Variants in BCAS3 observed in about 807,000 individuals in gnomAD.
BCAS3 encodes BCAS4/BCAS3 fusion.
Under a neutral mutation model 116.1 loss-of-function variants are expected in BCAS3, and 53 were observed. That is an observed-to-expected ratio of 0.46 (90% CI 0.37 to 0.57). The LOEUF (loss-of-function observed/expected upper bound fraction) is 0.57. Among genes scored for constraint, BCAS3 ranks in the 20% least tolerant of loss-of-function variants. The pLI, the probability that BCAS3 is intolerant of heterozygous loss-of-function variation, is 0.00. For missense variants in BCAS3, 917 were observed against 1,165.4 expected, an observed-to-expected ratio of 0.79 and a Z score of 3.10; for synonymous variants, 391 against 408.2, an observed-to-expected ratio of 0.96 and a Z score of 0.51.
rs562796127 is a variant in BCAS3, at chr17:61,380,695, T to C, written c.2594-11282T>C. ...AGGAGCACTCTAGGGAGGGCAGGGG[T>C]CAGCTCAGATGGGAGGTCTCTTCTG... On this transcript the variant is annotated intron_variant, in intron 23 of 23. Transcript: ENST00000407086. This position sits in a 1 kb window ranked among gnomAD's most constrained non-coding sequence, Gnocchi z 4.2. 46 of 817,750 alleles carry C rather than the reference T, an allele frequency of 5.6e-5. No homozygotes were observed. In the South Asian group the frequency reaches 6.6e-4, roughly 12 times the overall value. 50.7% of individuals were successfully genotyped at this position (817,750 alleles called of 1,614,324 possible).
intron 14 of BCAS3, among the ~76,000 whole-genome samples, chr17:60,979,446 C>G (rs548171685): frequency 6.7e-6 from 1 of 149,684 alleles, no homozygotes; most frequent in African/African-American, 2.6e-5. Flanking sequence ...ATGTCGTCTG[C>G]AAACAGGGAC....
At chr17:61,117,283 A>G (rs2075528513) in intron 22 of BCAS3, among the ~76,000 whole-genome samples, 1 of 151,954 alleles carries the variant, frequency 6.6e-6, no homozygotes, top group Non-Finnish European at 1.5e-5. Context: ...TAGTTATTGT[A>G]TTTTTCAGTT....
At chr17:60,787,039 A>G (rs1300909306) in intron 6 of BCAS3, among the ~76,000 whole-genome samples, 1 of 152,218 alleles carries the variant, frequency 6.6e-6, no homozygotes, top group East Asian at 1.9e-4. Flanking sequence ...GATAAAAAGG[A>G]ACAAAAGCTC....
At position 61,376,270 on chromosome 17, in the gene BCAS3, C is replaced by T. The variant is rs1244089628; in HGVS notation, c.2593+7776C>T. On this transcript the variant is annotated intron_variant, in intron 23 of 23. Coordinates refer to ENST00000407086, the MANE Select transcript of BCAS3 (RefSeq NM_017679.5). This position sits in a 1 kb window ranked among gnomAD's most constrained non-coding sequence, Gnocchi z 4.5. Reference sequence around the variant, plus strand: ...TCCTTTATGGGTCCTGGGTTAGCCACACTGTTCCTGTCCTAAGCAAACCCG... The same window carrying T: ...TCCTTTATGGGTCCTGGGTTAGCCATACTGTTCCTGTCCTAAGCAAACCCG... 6.6e-6 allele frequency among the ~76,000 whole-genome samples: 1 copy of T among 152,184 alleles called. No homozygotes were observed. Among genetic ancestry groups the T allele is most frequent in the African/African-American group, 2.4e-5 (1 of 41,446 alleles).
At chr17:60,679,137 A>G (rs2032546336) in intron 1 of BCAS3, among the ~76,000 whole-genome samples, 1 of 152,232 alleles carries the variant, frequency 6.6e-6, no homozygotes, top group Admixed American at 6.5e-5. Flanking sequence ...AGGCAGGAGA[A>G]TTGCTTGAGC....
At chr17:61,298,434 T>TA (rs1195587600) in intron 22 of BCAS3, among the ~76,000 whole-genome samples, 1 of 152,040 alleles carries the variant, frequency 6.6e-6, no homozygotes, top group Non-Finnish European at 1.5e-5. Context: ...GATCTTAAAA[T>TA]AAAAAAGGAA....
chr17:60,725,311 A>G (rs1215568068), intron 5 of BCAS3, among the ~76,000 whole-genome samples: 2 of 152,176 alleles, frequency 1.3e-5, no homozygotes, highest in African/African-American at 4.8e-5. Flanking sequence ...GAAAGTCCCA[A>G]AATAAACTTC....
At position 61,086,684 on chromosome 17, in the gene BCAS3, T is replaced by G. The variant is rs937913653; in HGVS notation, c.2425+2120T>G. 4.1e-6 allele frequency: 4 copies of G among 985,292 alleles called. No homozygotes were observed. In the African/African-American group the frequency reaches 7.0e-5, roughly 17 times the overall value. The allele number at this position is 985,292 out of a possible 1,614,324, so 61.0% of individuals were successfully genotyped here. A position where few individuals can be genotyped will look rare whatever the true frequency, so the allele number is the denominator to read the frequency against. ...AGAACTTCTTGGTGGCTAAGCTTTA[T>G]TATTATTTTTCTAGGCCTGTTTTCA... On this transcript the variant is annotated intron_variant, in intron 22 of 23. Coordinates refer to ENST00000407086, the MANE Select transcript of BCAS3 (RefSeq NM_017679.5).
chr17:61,277,799 C>T (rs1568735529), intron 22 of BCAS3, among the ~76,000 whole-genome samples: 1 of 152,162 alleles, frequency 6.6e-6, no homozygotes, highest in East Asian at 1.9e-4. Context: ...GCAGATACTA[C>T]TTGGCACCCA....
At chr17:61,191,150 C>G (rs1335489527) in intron 22 of BCAS3, among the ~76,000 whole-genome samples, 2 of 152,094 alleles carry the variant, frequency 1.3e-5, no homozygotes, top group African/African-American at 4.8e-5. Context: ...AAAAATTACA[C>G]ATCTACTCAG....
intron 7 of BCAS3, among the ~76,000 whole-genome samples, chr17:60,837,839 G>T (rs1414157234): frequency 1.3e-5 from 2 of 151,708 alleles, no homozygotes; most frequent in Non-Finnish European, 2.9e-5. Context: ...TTTAGTAGAG[G>T]AGGGGTTTCA....
intron 7 of BCAS3, among the ~76,000 whole-genome samples, chr17:60,845,797 TTCTC>T (rs1210163979): frequency 2.1e-4 from 31 of 149,310 alleles, no homozygotes; most frequent in Admixed American, 1.1e-3. Flanking sequence ...TTTTTTTTTT[TTCTC>T]TCTCTCTCTC....
chr17:61,003,640 A>C (rs1392281273), intron 15 of BCAS3, among the ~76,000 whole-genome samples: 1 of 151,994 alleles, frequency 6.6e-6, no homozygotes, highest in African/African-American at 2.4e-5. Context: ...CTTAAGCTAG[A>C]TAGATTTGAA....
chr17:61,162,806 G>C lies in BCAS3; in HGVS notation c.2425+78242G>C, dbSNP rs958329371. On this transcript the variant is annotated intron_variant, in intron 22 of 23. Transcript: ENST00000407086. The surrounding 1 kb of genome is among the most constrained non-coding windows in gnomAD (Gnocchi z 5.6). Reference sequence around the variant, plus strand: ...ACCACTCCTGATGGAATATGAGAAAGAAAAGTGTATTATTTACATTCTTAA... The same window carrying C: ...ACCACTCCTGATGGAATATGAGAAACAAAAGTGTATTATTTACATTCTTAA... 2.0e-5 allele frequency among the ~76,000 whole-genome samples: 3 copies of C among 152,232 alleles called. No individual in the cohort carries two copies. The highest frequency in any genetic ancestry group is 2.0e-4 in the Admixed American group (3 of 15,288).
intron 14 of BCAS3, among the ~76,000 whole-genome samples, chr17:60,957,570 A>G (rs9912699): frequency 0.19 from 28,445 of 152,116 alleles, 2,920 homozygotes; most frequent in African/African-American, 0.26. Flanking sequence ...TAGAAGTGCA[A>G]TTCAGTGGTT....
intron 14 of BCAS3, among the ~76,000 whole-genome samples, chr17:60,982,566 G>T (rs1426736804): frequency 6.6e-6 from 1 of 152,040 alleles, no homozygotes; most frequent in African/African-American, 2.4e-5. Context: ...TTTTCTTAAG[G>T]GAAGACTTTC....
intron 7 of BCAS3, among the ~76,000 whole-genome samples, chr17:60,857,325 T>C (rs1396141369): frequency 6.6e-6 from 1 of 152,180 alleles, no homozygotes; most frequent in South Asian, 2.1e-4. Context: ...ATTCTAAACT[T>C]GGCTCTAAAA....
At chr17:60,741,883 G>A (rs1016914085) in intron 5 of BCAS3, among the ~76,000 whole-genome samples, 2 of 152,042 alleles carry the variant, frequency 1.3e-5, no homozygotes, top group Admixed American at 1.3e-4. Context: ...ACATATACAT[G>A]TTTACTAAAA....
chr17:60,929,085 C>T (rs913052139), intron 13 of BCAS3, among the ~76,000 whole-genome samples: 6 of 152,126 alleles, frequency 3.9e-5, no homozygotes, highest in African/African-American at 9.7e-5. Flanking sequence ...GTCCTTCCCA[C>T]TAGTAAATCA....
Sources: allele counts gnomAD v4.1 joint callset (sites outside exome capture counted in the v4.1 genomes callset), GRCh38; gene constraint gnomAD v4.1.1; non-coding constraint Gnocchi (gnomAD v3.1); transcripts MANE v1.5; gene names NCBI Gene and HGNC (gene_info 2026-07-23, HGNC 2026-07-21).